APC2: variants seen among roughly 807,000 people sequenced by gnomAD.
The protein encoded by APC2 is adenomatous polyposis coli protein 2.
Under a neutral mutation model 72.5 loss-of-function variants are expected in APC2, and 41 were observed. The ratio of observed to expected loss-of-function variants is 0.57; its 90% confidence interval spans 0.44 to 0.73. The LOEUF is 0.73. APC2 is among the 30% of genes least tolerant of loss of function. The pLI, the probability that APC2 is intolerant of heterozygous loss-of-function variation, is 0.00. For synonymous variants in APC2, 1,898 were observed against 1,612.0 expected, an observed-to-expected ratio of 1.18 and a Z score of -4.25; for missense variants, 3,729 against 3,403.4, an observed-to-expected ratio of 1.10 and a Z score of -2.38.
chr19:1,448,908 A>G (rs191200078), upstream of APC2, among the ~76,000 whole-genome samples: 2 of 152,218 alleles, frequency 1.3e-5, no homozygotes, highest in Non-Finnish European at 2.9e-5. Context: ...TGCCCACTGC[A>G]TTGCCTCCCC....
intron 10 of APC2, chr19:1,458,662 C>A (rs1159578249): frequency 6.5e-6 from 1 of 153,008 alleles, no homozygotes; most frequent in Non-Finnish European, 1.5e-5. Context: ...TATGATCATG[C>A]CACCACACTC....
At chr19:1,457,306 G>A (rs998479250) in intron 9 of APC2, 63 bp downstream of exon 9, 55 of 1,462,682 alleles carry the variant, frequency 3.8e-5, no homozygotes, top group Non-Finnish European at 4.2e-5. Flanking sequence ...CTTCCCGGGG[G>A]ATGGGCGACT....
intron 8 of APC2, 31 bp from the exon 9 acceptor site, chr19:1,456,822 G>T: frequency 1.9e-6 from 3 of 1,579,348 alleles, no homozygotes; most frequent in Non-Finnish European, 2.6e-6. Context: ...GGCAGGTGAG[G>T]GACCCCACCC....
In APC2 at chr19:1,453,230, C is replaced by G. The variant is rs910531013; in HGVS notation, c.142-17C>G. On this transcript the variant is annotated splice_polypyrimidine_tract_variant and intron_variant, in intron 2 of 14. Coordinates refer to ENST00000590469, the MANE Select transcript of APC2 (RefSeq NM_005883.3). ...GCAGTGGCTGATGGCTTCCCGCCCT[C>G]TTTCCCGCCCCTGCAGGAGGTCCTG... 2 of 1,558,266 alleles carry G rather than the reference C, an allele frequency of 1.3e-6. No individual in the cohort carries two copies. The highest frequency in any genetic ancestry group is 2.7e-5 in the African/African-American group (2 of 73,448).
At position 1,461,123 on chromosome 19, in the gene APC2, C is replaced by T. The variant is rs758339460; in HGVS notation, c.1608C>T (p.Ala536=). The change falls in exon 13 of 15, where the codon GCC becomes GCT. Residue 536 remains alanine, a synonymous_variant. Transcript: ENST00000590469. ...KVLREAGSVT[A]LVQCVLRATK... is the part of the protein sequence containing the mutation. ...TGAGGGAGGCGGGCAGCGTGACTGCCCTGGTGCAGTGTGTCCTGCGGGCCA... is the reference window on the plus strand; with the variant it reads ...TGAGGGAGGCGGGCAGCGTGACTGCTCTGGTGCAGTGTGTCCTGCGGGCCA... 5.6e-6 allele frequency: 9 copies of T among 1,612,314 alleles called. No individual in the cohort carries two copies. The East Asian group carries it at 1.8e-4, about 32-fold the overall frequency.
intron 14 of APC2, 72 bp downstream of exon 14, chr19:1,462,249 G>A: frequency 7.2e-7 from 1 of 1,392,946 alleles, no homozygotes; most frequent in Non-Finnish European, 9.7e-7. Context: ...GCTGGGCACT[G>A]TCCTCCCGTG....
chr19:1,458,275 C>T, intron 10 of APC2: 1 of 591,786 alleles, frequency 1.7e-6, no homozygotes, highest in Admixed American at 2.9e-5. Context: ...GCCTCCCGAT[C>T]TGGTCTGAGG....
Position 1,468,170 on chromosome 19 carries a change from GGCC to G in APC2, c.4872_4874del (p.Ala1625del). The G allele has an allele frequency of 6.9e-7, 1 of 1,452,810 alleles. No homozygotes were observed. The highest frequency in any genetic ancestry group is 9.0e-7 in the Non-Finnish European group (1 of 1,111,786). 90.0% of individuals were successfully genotyped at this position (1,452,810 alleles called of 1,614,324 possible). A position where few individuals can be genotyped will look rare whatever the true frequency, so the allele number is the denominator to read the frequency against. On this transcript the variant is annotated inframe_deletion, in exon 15 of 15. Coordinates refer to ENST00000590469, the MANE Select transcript of APC2 (RefSeq NM_005883.3). The stretch of plus-strand genomic sequence containing the variant: ...GACGCGACAGCTCGCCCAGCCCGCG[GGCC>G]GCGGAGGAGCTTCTGCAGCGGTGCA...
Position 1,457,053 on chromosome 19 carries a change from C to T in APC2, c.1017C>T (p.Gly339=), listed in dbSNP as rs1187697128. The change falls in exon 9 of 15, where the codon GGC becomes GGT. Residue 339 remains glycine (G), a synonymous_variant. Coordinates refer to ENST00000590469, the MANE Select transcript of APC2 (RefSeq NM_005883.3). ...GCGCCGGGGCCCCAGGGGCACCGGGCGCCAAGGACGCACGCATGCGCGCCA... is the reference window on the plus strand; with the variant it reads ...GCGCCGGGGCCCCAGGGGCACCGGGTGCCAAGGACGCACGCATGCGCGCCA... ...GGRAGAPGAP[G]AKDARMRANA... 5.2e-6 allele frequency: 8 copies of T among 1,531,948 alleles called. No homozygotes were observed. The East Asian group carries it at 7.5e-5, about 14-fold the overall frequency. The allele number at this position is 1,531,948 out of a possible 1,614,324, so 94.9% of individuals were successfully genotyped here. A position where few individuals can be genotyped will look rare whatever the true frequency, so the allele number is the denominator to read the frequency against.
chr19:1,450,161 G>T lies in APC2; in HGVS notation c.-196G>T, dbSNP rs2083726089. The T allele has an allele frequency of 6.1e-6, 6 of 985,266 alleles. No homozygotes were observed. Among genetic ancestry groups the T allele is most frequent in the South Asian group, 4.7e-5 (1 of 21,294 alleles). 61.0% of individuals were successfully genotyped at this position (985,266 alleles called of 1,614,324 possible). A position where few individuals can be genotyped will look rare whatever the true frequency, so the allele number is the denominator to read the frequency against. On this transcript the variant is annotated 5_prime_UTR_variant, in exon 1 of 15. Coordinates refer to ENST00000590469, the MANE Select transcript of APC2 (RefSeq NM_005883.3). ...AGCGCTAGGAGCGGCAGCGCCGCCTGCCCAGGCCCGGACCGGGCTTTGTCC... is the reference window on the plus strand; with the variant it reads ...AGCGCTAGGAGCGGCAGCGCCGCCTTCCCAGGCCCGGACCGGGCTTTGTCC...
At position 1,456,165 on chromosome 19, in the gene APC2, G is replaced by T; in HGVS notation, c.717+12G>T. ...AGACGGAGCCCCAGGTACCGGGTGGGGCAGAGCCAGGGACCAGGGGTGGTG... is the reference window on the plus strand; with the variant it reads ...AGACGGAGCCCCAGGTACCGGGTGGTGCAGAGCCAGGGACCAGGGGTGGTG... On this transcript the variant is annotated intron_variant, in intron 7 of 14. Coordinates refer to ENST00000590469, the MANE Select transcript of APC2 (RefSeq NM_005883.3). 5 of 1,577,124 alleles carry T rather than the reference G, an allele frequency of 3.2e-6. No homozygotes were observed. Among genetic ancestry groups the T allele is most frequent in the Non-Finnish European group, 3.4e-6 (4 of 1,164,230 alleles).
Position 1,468,351 on chromosome 19 carries a change from G to T in APC2, c.5050G>T (p.Val1684Leu), listed in dbSNP as rs577913943. 1.9e-6 allele frequency: 3 copies of T among 1,567,894 alleles called. No individual in the cohort carries two copies. Among genetic ancestry groups the T allele is most frequent in the South Asian group, 1.2e-5 (1 of 85,616 alleles). The stretch of plus-strand genomic sequence containing the variant: ...GGACCGGGCCTCCGACCTGGATAGC[G>T]TGGAGTGGCGCGCCATCCAGGAGGG... ...GSDRASDLDS[V>L]EWRAIQEGAN... Residue 1684 changes from valine (V) to leucine (L), a missense_variant, in exon 15 of 15, where the codon GTG (valine) becomes TTG (leucine). Coordinates refer to ENST00000590469, the MANE Select transcript of APC2 (RefSeq NM_005883.3).
chr19:1,466,267 G>T lies in APC2; in HGVS notation c.2966G>T (p.Arg989Leu), dbSNP rs868817229. The change falls in exon 15 of 15, where the codon CGC becomes CTC. Residue 989 changes from arginine (R) to leucine (L), a missense_variant. Arg to Leu is a moderately radical substitution (Grantham distance 102). Transcript: ENST00000590469. ...CGCGAGGCCACCTCCGCCGACGCCC[G>T]CGTGCGCACCATCAAGCTGTCGCCT... ...PAREATSADA[R>L]VRTIKLSPTY... is the part of the protein sequence containing the mutation. 3 of 1,527,204 alleles carry T rather than the reference G, an allele frequency of 2.0e-6. No homozygotes were observed. In the South Asian group the frequency reaches 3.7e-5, roughly 19 times the overall value. 94.6% of individuals were successfully genotyped at this position (1,527,204 alleles called of 1,614,324 possible).
chr19:1,466,111 GC>G lies in APC2; in HGVS notation c.2813del (p.Pro938HisfsTer99). The stretch of plus-strand genomic sequence containing the variant: ...AGCGGCAGTGCCAGCGACGGGTACT[GC>G]CCACGCGAACATATGCTGCCCTGCC... Reference protein sequence around the residue: ...LNSGSASDGYCPREHMLPCPL... With the variant: ...LNSGSASDGYXPREHMLPCPL... On this transcript the variant is annotated frameshift_variant, in exon 15 of 15. Coordinates refer to ENST00000590469, the MANE Select transcript of APC2 (RefSeq NM_005883.3). LOFTEE classifies it low-confidence loss of function (END_TRUNC). 1 of 1,562,364 alleles carries G rather than the reference GC, an allele frequency of 6.4e-7. No individual in the cohort carries two copies.
chr19:1,453,176 C>A (rs1214570381), intron 2 of APC2, 34 bp downstream of exon 2: 2 of 1,580,290 alleles, frequency 1.3e-6, no homozygotes, highest in Admixed American at 3.7e-5. Flanking sequence ...GGGCTAGGGT[C>A]CCGGGGTGGT....
chr19:1,460,992 GGCCT>G, intron 12 of APC2, 41 bp from the exon 13 acceptor site: 2 of 1,607,748 alleles, frequency 1.2e-6, no homozygotes, highest in South Asian at 2.2e-5. Context: ...GGGTTTGGGG[GGCCT>G]GGACCCTAGT....
In APC2 at chr19:1,457,057, A is replaced by G. The variant is rs2083842514; in HGVS notation, c.1021A>G (p.Lys341Glu). 1 of 1,536,718 alleles carries G rather than the reference A, an allele frequency of 6.5e-7. No individual in the cohort carries two copies. Among genetic ancestry groups the G allele is most frequent in the Non-Finnish European group, 8.7e-7 (1 of 1,148,652 alleles). ...RAGAPGAPGA[K>E]DARMRANAAL... is the part of the protein sequence containing the mutation. Reference sequence around the variant, plus strand: ...CGGGGCCCCAGGGGCACCGGGCGCCAAGGACGCACGCATGCGCGCCAACGC... The same window carrying G: ...CGGGGCCCCAGGGGCACCGGGCGCCGAGGACGCACGCATGCGCGCCAACGC... The change falls in exon 9 of 15, where the codon AAG becomes GAG. Residue 341 changes from lysine to glutamate, a missense_variant. Physicochemically the swap from Lys to Glu is moderately conservative, Grantham distance 56. Transcript: ENST00000590469.
Position 1,465,524 on chromosome 19 carries a change from C to G in APC2, c.2223C>G (p.His741Gln). Residue 741 changes from histidine (H) to glutamine (Q), a missense_variant, in exon 15 of 15, where the codon CAC becomes CAG. Physicochemically the swap from His to Gln is conservative, Grantham distance 24 (BLOSUM62 0). Transcript: ENST00000590469. Reference sequence around the variant, plus strand: ...GGCACCTCGCGCAGGCGCTGGAGCACCTGGAGAAGCAGGGCCCGCCGGCAG... The same window carrying G: ...GGCACCTCGCGCAGGCGCTGGAGCAGCTGGAGAAGCAGGGCCCGCCGGCAG... Reference protein sequence around the residue: ...DARHLAQALEHLEKQGPPAAE... With the variant: ...DARHLAQALEQLEKQGPPAAE... The G allele has an allele frequency of 6.5e-7, 1 of 1,527,774 alleles. No homozygotes were observed. 94.6% of individuals were successfully genotyped at this position (1,527,774 alleles called of 1,614,324 possible). A position where few individuals can be genotyped will look rare whatever the true frequency, so the allele number is the denominator to read the frequency against.
Position 1,472,101 on chromosome 19 carries a change from T to G in APC2, c.*1888T>G, listed in dbSNP as rs1210006105. 3 of 152,102 alleles carry G rather than the reference T, an allele frequency of 2.0e-5. No individual in the cohort carries two copies. Among genetic ancestry groups the G allele is most frequent in the African/African-American group, 7.3e-5 (3 of 41,332 alleles). 9.4% of individuals were successfully genotyped at this position (152,102 alleles called of 1,614,324 possible). ...ATGGCTGAGCAGAGAGCGGGGAAAATGCAGGCTGAGTGGGGCGACCTCCTG... is the reference window on the plus strand; with the variant it reads ...ATGGCTGAGCAGAGAGCGGGGAAAAGGCAGGCTGAGTGGGGCGACCTCCTG... On this transcript the variant is annotated 3_prime_UTR_variant, in exon 15 of 15. Transcript: ENST00000590469.
Sources: gnomAD v4.1 joint callset for allele counts (sites outside exome capture counted in the v4.1 genomes callset) on GRCh38, gnomAD v4.1.1 for gene constraint, MANE v1.5 for transcripts, NCBI Gene and HGNC (gene_info 2026-07-23, HGNC 2026-07-21) for gene names.